DNAJC1: variants seen among roughly 807,000 people sequenced by gnomAD.
The protein encoded by DNAJC1 is dnaJ homolog subfamily C member 1.
DNAJC1 carries 58 observed loss-of-function variants against 76.6 expected under a neutral mutation model. The ratio of observed to expected loss-of-function variants is 0.76; its 90% CI spans 0.61 to 0.94. The LOEUF (loss-of-function observed/expected upper bound fraction) is 0.94. DNAJC1 is among the 40% of genes least tolerant of loss of function. The pLI is 0.00. For missense variants in DNAJC1, 689 were observed against 677.3 expected (o/e 1.02, Z -0.19); for synonymous variants, 258 against 267.9 (o/e 0.96, Z 0.36).
chr10:21,768,557 G>C (rs1834329176), intron 9 of DNAJC1, among the ~76,000 whole-genome samples: 1 of 152,204 alleles, frequency 6.6e-6, no homozygotes, highest in Admixed American at 6.5e-5. Flanking sequence ...TAAAGGCTCA[G>C]TAAATATTAC....
chr10:21,849,163 C>T (rs1000733312), intron 8 of DNAJC1, among the ~76,000 whole-genome samples: 6 of 151,474 alleles, frequency 4.0e-5, no homozygotes, highest in Admixed American at 2.6e-4. Context: ...CATGGTGGCA[C>T]GCACCTGTAA....
chr10:21,907,907 G>A (rs1836773199), intron 6 of DNAJC1, among the ~76,000 whole-genome samples: 1 of 147,378 alleles, frequency 6.8e-6, no homozygotes, highest in Non-Finnish European at 1.5e-5. Flanking sequence ...GAACCTGGGA[G>A]GTGGAGGTTG....
chr10:21,870,787 G>C (rs1836090438), intron 8 of DNAJC1, among the ~76,000 whole-genome samples: 1 of 151,852 alleles, frequency 6.6e-6, no homozygotes. Flanking sequence ...AAAAGAGAAA[G>C]AAAGAGAGAA....
intron 9 of DNAJC1, among the ~76,000 whole-genome samples, chr10:21,789,248 A>G (rs1439960397): frequency 1.3e-5 from 2 of 152,256 alleles, no homozygotes; most frequent in African/African-American, 4.8e-5. Flanking sequence ...CCACTGAGGC[A>G]GTCACATTTA....
intron 9 of DNAJC1, among the ~76,000 whole-genome samples, chr10:21,799,935 G>A (rs1480621266): frequency 2.6e-5 from 4 of 152,140 alleles, no homozygotes; most frequent in Non-Finnish European, 5.9e-5. Flanking sequence ...TGAGGGACCT[G>A]TGTCATTCCA....
chr10:21,931,532 A>G lies in DNAJC1; in HGVS notation c.223-2391T>C, dbSNP rs951542757. On this transcript the variant is annotated intron_variant, in intron 1 of 11. Transcript: ENST00000376980. Reference sequence around the variant, plus strand: ...CAAACTCAGAAAATATTGCTTCAGAATCAGATCTCTTTATTTTGGCTGTTT... The same window carrying G: ...CAAACTCAGAAAATATTGCTTCAGAGTCAGATCTCTTTATTTTGGCTGTTT... Among the ~76,000 whole-genome samples the G allele has an allele frequency of 5.3e-5, 8 of 152,210 alleles. No homozygotes were observed. In the South Asian group the frequency reaches 6.2e-4, roughly 12 times the overall value.
At chr10:21,888,406 A>T (rs1453310890) in intron 7 of DNAJC1, among the ~76,000 whole-genome samples, 2 of 152,188 alleles carry the variant, frequency 1.3e-5, no homozygotes, top group African/African-American at 4.8e-5. Context: ...GAGGAGTGTA[A>T]ATCATTCTAC....
In DNAJC1 at chr10:22,003,540, G is replaced by A; in HGVS notation, c.-106C>T. 8.1e-7 allele frequency: 1 copy of A among 1,232,904 alleles called. No individual in the cohort carries two copies. Among genetic ancestry groups the A allele is most frequent in the East Asian group, 3.3e-5 (1 of 30,448 alleles). The allele number at this position is 1,232,904 out of a possible 1,614,324, so 76.4% of individuals were successfully genotyped here. ...GGAACAGCGCCTGTCAGTGAAAAGC[G>A]CGGGCAGGCGCACCGGAGCGGCCCG... On this transcript the variant is annotated 5_prime_UTR_variant, in exon 1 of 12. Coordinates refer to ENST00000376980, the MANE Select transcript of DNAJC1 (RefSeq NM_022365.4).
chr10:21,881,822 G>A (rs558470466), intron 8 of DNAJC1, among the ~76,000 whole-genome samples: 5 of 145,016 alleles, frequency 3.4e-5, no homozygotes, highest in African/African-American at 5.2e-5. Flanking sequence ...TCAATTCAGG[G>A]CTGCCACAAA....
chr10:21,891,459 C>A (rs2131731445), intron 7 of DNAJC1, among the ~76,000 whole-genome samples: 1 of 86,436 alleles, frequency 1.2e-5, no homozygotes, highest in South Asian at 3.5e-4. Context: ...AGTGCCCAAT[C>A]TGAAAAACAA....
At chr10:21,774,309 T>C (rs942318063) in intron 9 of DNAJC1, among the ~76,000 whole-genome samples, 2 of 152,138 alleles carry the variant, frequency 1.3e-5, no homozygotes, top group Non-Finnish European at 2.9e-5. Context: ...ACATATATGA[T>C]CACACAAAGA....
chr10:21,892,039 A>T (rs976930536), intron 7 of DNAJC1, among the ~76,000 whole-genome samples: 1 of 152,144 alleles, frequency 6.6e-6, no homozygotes. Context: ...AAGGGATTTA[A>T]GGGGAGGTAA....
chr10:21,951,671 T>TGAAATAAAC (rs1475856506), intron 1 of DNAJC1, among the ~76,000 whole-genome samples: 1 of 152,154 alleles, frequency 6.6e-6, no homozygotes, highest in Non-Finnish European at 1.5e-5. Flanking sequence ...CCATAACTAT[T>TGAAATAAAC]TTAAATAAAT....
chr10:21,763,434 C>T (rs533626889), intron 10 of DNAJC1, among the ~76,000 whole-genome samples: 1 of 152,258 alleles, frequency 6.6e-6, no homozygotes, highest in Admixed American at 6.5e-5. Context: ...ACTAGTTATA[C>T]TTCTAGACGT....
intron 9 of DNAJC1, among the ~76,000 whole-genome samples, chr10:21,802,718 G>C (rs1834826629): frequency 6.6e-6 from 1 of 152,114 alleles, no homozygotes; most frequent in Non-Finnish European, 1.5e-5. Flanking sequence ...TGACCAGGGA[G>C]AGAAGCAGAA....
intron 1 of DNAJC1, among the ~76,000 whole-genome samples, chr10:21,980,063 A>C (rs981403570): frequency 6.6e-6 from 1 of 151,980 alleles, no homozygotes; most frequent in Non-Finnish European, 1.5e-5. Context: ...GAAAGTCCTT[A>C]GGTTATCTAG....
chr10:21,807,450 C>T (rs192074234), intron 8 of DNAJC1, among the ~76,000 whole-genome samples: 4 of 152,310 alleles, frequency 2.6e-5, no homozygotes, highest in Non-Finnish European at 4.4e-5. Flanking sequence ...ATGGTTCAAG[C>T]GTGCTCTTTT....
intron 9 of DNAJC1, among the ~76,000 whole-genome samples, chr10:21,792,767 A>ATAG (rs1834707429): frequency 6.6e-6 from 1 of 151,542 alleles, no homozygotes; most frequent in African/African-American, 2.4e-5. Flanking sequence ...TCAAAAAAAA[A>ATAG]AAAAAAAAAA....
chr10:21,800,569 G>C (rs889168793), intron 9 of DNAJC1, among the ~76,000 whole-genome samples: 1 of 152,168 alleles, frequency 6.6e-6, no homozygotes, highest in Admixed American at 6.5e-5. Context: ...TGATATCATG[G>C]CAGCATGGGC....
Sources: gnomAD v4.1 joint callset for allele counts (sites outside exome capture counted in the v4.1 genomes callset) on GRCh38, gnomAD v4.1.1 for gene constraint, MANE v1.5 for transcripts, NCBI Gene and HGNC (gene_info 2026-07-23, HGNC 2026-07-21) for gene names.